JAM3: variants seen among roughly 807,000 people sequenced by gnomAD.
The protein encoded by JAM3 is junctional adhesion molecule 3.
JAM3 carries 31 observed loss-of-function variants against 39.4 expected under a neutral mutation model. The ratio of observed to expected loss-of-function variants is 0.79; its 90% confidence interval spans 0.59 to 1.06. JAM3 has a LOEUF of 1.06. Ranked by LOEUF, JAM3 falls within the 50% of genes least tolerant of loss-of-function variation. The probability of loss-of-function intolerance (pLI) is 0.00; values close to 1 mark genes in which losing one functional copy is unlikely to be tolerated. For missense variants in JAM3, 455 were observed against 391.4 expected (o/e 1.16, Z -1.37); for synonymous variants, 182 against 148.7 (o/e 1.22, Z -1.63).
intron 1 of JAM3, among the ~76,000 whole-genome samples, chr11:134,103,154 A>C (rs569301599): frequency 6.6e-6 from 1 of 152,260 alleles, no homozygotes; most frequent in African/African-American, 2.4e-5. Flanking sequence ...TCAGACTAAC[A>C]GTGGATTTCT....
chr11:134,087,484 TTTA>T (rs1306504816), intron 1 of JAM3, among the ~76,000 whole-genome samples: 2 of 152,232 alleles, frequency 1.3e-5, no homozygotes, highest in African/African-American at 2.4e-5. Context: ...TCTGGAAGAA[TTTA>T]TTATTGCTTG....
In JAM3 at chr11:134,145,195, G is replaced by A. The variant is rs1324688066; in HGVS notation, c.612+201G>A. 19 of 618,734 alleles carry A rather than the reference G, an allele frequency of 3.1e-5. No individual in the cohort carries two copies. The East Asian group carries it at 4.7e-4, about 15-fold the overall frequency. The allele number at this position is 618,734 out of a possible 1,614,324, so 38.3% of individuals were successfully genotyped here. ...CATTCTTAGGGGGTAAAATAAGGAA[G>A]AGAAAGAAACCATAGATTGAGACCG... On this transcript the variant is annotated intron_variant, in intron 5 of 8. Transcript: ENST00000299106.
intron 1 of JAM3, among the ~76,000 whole-genome samples, chr11:134,130,470 C>T (rs1176460769): frequency 6.6e-6 from 1 of 152,158 alleles, no homozygotes; most frequent in Non-Finnish European, 1.5e-5. Flanking sequence ...ACAAGGCTAA[C>T]TTACAGTGAT....
chr11:134,104,348 A>G (rs1942139758), intron 1 of JAM3, among the ~76,000 whole-genome samples: 1 of 152,080 alleles, frequency 6.6e-6, no homozygotes, highest in African/African-American at 2.4e-5. Flanking sequence ...TCTGGGACAC[A>G]TTTAAAGTAG....
chr11:134,069,293 G>C (rs1277171111), intron 1 of JAM3, 134 bp downstream of exon 1: 1 of 1,243,914 alleles, frequency 8.0e-7, no homozygotes, highest in East Asian at 2.8e-5. Flanking sequence ...TCCCGGGCCG[G>C]AGGGGCGGCG....
intron 1 of JAM3, among the ~76,000 whole-genome samples, chr11:134,102,876 C>G (rs1335879279): frequency 6.6e-6 from 1 of 152,182 alleles, no homozygotes; most frequent in Non-Finnish European, 1.5e-5. Context: ...AAGACCAAAT[C>G]TATGTCTGAT....
intron 1 of JAM3, among the ~76,000 whole-genome samples, chr11:134,130,660 TTTG>T (rs1270574404): frequency 6.6e-6 from 1 of 152,106 alleles, no homozygotes; most frequent in Non-Finnish European, 1.5e-5. Context: ...GTAGGAAAGA[TTTG>T]TGGTATTTTT....
At chr11:134,076,412 C>T (rs1941570912) in intron 1 of JAM3, among the ~76,000 whole-genome samples, 2 of 152,044 alleles carry the variant, frequency 1.3e-5, no homozygotes, top group Admixed American at 6.6e-5. Context: ...GCCTCGGCCT[C>T]CCAAAGTGCT....
chr11:134,133,610 A>G (rs1394128133), intron 1 of JAM3, among the ~76,000 whole-genome samples: 6 of 152,148 alleles, frequency 3.9e-5, no homozygotes, highest in Non-Finnish European at 8.8e-5. Context: ...TATGTGTTTC[A>G]GGAAGAAATC....
At chr11:134,142,892 G>GT (rs1201924590) in intron 3 of JAM3, among the ~76,000 whole-genome samples, 1 of 152,110 alleles carries the variant, frequency 6.6e-6, no homozygotes, top group African/African-American at 2.4e-5. Context: ...TCAGCATCCT[G>GT]TTTTCAAGGT....
At chr11:134,113,075 C>T (rs552817260) in intron 1 of JAM3, among the ~76,000 whole-genome samples, 1 of 152,252 alleles carries the variant, frequency 6.6e-6, no homozygotes, top group Admixed American at 6.5e-5. Flanking sequence ...CTTGAATCTT[C>T]AGTACCTAGC....
At chr11:134,146,792 T>G (rs1943080821) in intron 6 of JAM3, among the ~76,000 whole-genome samples, 2 of 152,174 alleles carry the variant, frequency 1.3e-5, no homozygotes, top group African/African-American at 4.8e-5. Flanking sequence ...CTCAAACTCC[T>G]GGCCTCAAGC....
At position 134,115,517 on chromosome 11, in the gene JAM3, A is replaced by G. The variant is rs375304917; in HGVS notation, c.77-24334A>G. Among the ~76,000 whole-genome samples the G allele has an allele frequency of 6.6e-5, 10 of 152,148 alleles. No individual in the cohort carries two copies. In the East Asian group the frequency reaches 1.7e-3, roughly 26 times the overall value. ...ATTAGCTATAACTTATGACCTTGAT[A>G]TATTTAAAGAGTAGTGGTTAGGTGT... On this transcript the variant is annotated intron_variant, in intron 1 of 8. Coordinates refer to ENST00000299106, the MANE Select transcript of JAM3 (RefSeq NM_032801.5).
chr11:134,132,016 G>T (rs1193105046), intron 1 of JAM3, among the ~76,000 whole-genome samples: 2 of 152,168 alleles, frequency 1.3e-5, no homozygotes, highest in African/African-American at 4.8e-5. Context: ...TGGGCAGAAA[G>T]ATTATTTTGA....
intron 1 of JAM3, among the ~76,000 whole-genome samples, chr11:134,092,305 A>T (rs1421724312): frequency 6.6e-6 from 1 of 150,702 alleles, no homozygotes; most frequent in African/African-American, 2.4e-5. Context: ...TCCACCTTAA[A>T]CGTCACTTCC....
chr11:134,129,273 T>C (rs1942716799), intron 1 of JAM3, among the ~76,000 whole-genome samples: 1 of 152,030 alleles, frequency 6.6e-6, no homozygotes, highest in East Asian at 1.9e-4. Flanking sequence ...CCCGCCACCA[T>C]GCCTGGCTAA....
intron 1 of JAM3, among the ~76,000 whole-genome samples, chr11:134,090,422 G>C (rs900557265): frequency 3.3e-5 from 5 of 151,940 alleles, no homozygotes; most frequent in Non-Finnish European, 7.4e-5. Flanking sequence ...TTTCTTCTAG[G>C]GTTTTTTTCA....
chr11:134,149,400 G>C lies in JAM3; in HGVS notation c.*219G>C. ...TGGACCCGGTAAATATAACCACAAGGAAGCGAAACTGGGTGCGTTCACTGA... is the reference window on the plus strand; with the variant it reads ...TGGACCCGGTAAATATAACCACAAGCAAGCGAAACTGGGTGCGTTCACTGA... On this transcript the variant is annotated 3_prime_UTR_variant, in exon 9 of 9. Transcript: ENST00000299106. 9.6e-6 allele frequency: 6 copies of C among 624,484 alleles called. No individual in the cohort carries two copies. The highest frequency in any genetic ancestry group is 2.9e-6 in the Non-Finnish European group (1 of 350,870). 38.7% of individuals were successfully genotyped at this position (624,484 alleles called of 1,614,324 possible). A position where few individuals can be genotyped will look rare whatever the true frequency, so the allele number is the denominator to read the frequency against.
At chr11:134,110,098 A>C (rs1942280968) in intron 1 of JAM3, among the ~76,000 whole-genome samples, 1 of 152,222 alleles carries the variant, frequency 6.6e-6, no homozygotes, top group Non-Finnish European at 1.5e-5. Flanking sequence ...CCTTAATGCA[A>C]ATTAAAACCA....
Sources: allele counts gnomAD v4.1 joint callset (sites outside exome capture counted in the v4.1 genomes callset), GRCh38; gene constraint gnomAD v4.1.1; transcripts MANE v1.5; gene names NCBI Gene and HGNC (gene_info 2026-07-23, HGNC 2026-07-21).